The following TRIM2 variants were observed in gnomAD, a reference collection of about 807,000 sequenced individuals.
TRIM2 encodes tripartite motif containing 2, also known as tripartite motif-containing protein 2.
In TRIM2, 20 loss-of-function variants were observed where a neutral mutation model predicts 75.2. That is an observed-to-expected ratio of 0.27 (90% confidence interval 0.19 to 0.39). The LOEUF (loss-of-function observed/expected upper bound fraction) is 0.39, where lower values mean the gene tolerates loss of function less well. Ranked by LOEUF, TRIM2 falls within the 10% of genes least tolerant of loss-of-function variation. The pLI is 1.00. For synonymous variants in TRIM2, 373 were observed against 388.3 expected (o/e 0.96, Z 0.46); for missense variants, 660 against 990.8 (o/e 0.67, Z 4.48).
At chr4:153,157,797 A>G (rs1729375818) in intron 1 of TRIM2, among the ~76,000 whole-genome samples, 1 of 152,238 alleles carries the variant, frequency 6.6e-6, no homozygotes, top group African/African-American at 2.4e-5. Context: ...AGCAGCCTCA[A>G]AGCTGTGCCC....
At chr4:153,297,568 CCTTTT>C (rs1763021794) in intron 6 of TRIM2, among the ~76,000 whole-genome samples, 4 of 152,180 alleles carry the variant, frequency 2.6e-5, no homozygotes, top group Admixed American at 6.5e-5. Flanking sequence ...ATCCCTACTA[CCTTTT>C]CTTTTCAAAA....
rs73857427 is a variant in TRIM2 at position 153,209,054 on chromosome 4, C to T, written c.30+4494C>T. ...CACCAGGCCCATTTTATGAAAAACC[C>T]TGGGAAAACTGAGGTCCAGCAGCCA... On this transcript the variant is annotated intron_variant, in intron 1 of 11. Coordinates refer to ENST00000338700, the MANE Select transcript of TRIM2 (RefSeq NM_015271.5). Among the ~76,000 whole-genome samples, 3 of 152,136 alleles carry T rather than the reference C, an allele frequency of 2.0e-5. No homozygotes were observed. The South Asian group carries it at 6.2e-4, about 32-fold the overall frequency.
chr4:153,327,141 G>C (rs1770418408), intron 10 of TRIM2, among the ~76,000 whole-genome samples: 1 of 151,978 alleles, frequency 6.6e-6, no homozygotes, highest in Admixed American at 6.6e-5. Context: ...AAAAGAGTCA[G>C]AAAAAAAATT....
At chr4:153,312,214 T>G (rs934839661) in intron 6 of TRIM2, among the ~76,000 whole-genome samples, 2 of 151,874 alleles carry the variant, frequency 1.3e-5, no homozygotes, top group Non-Finnish European at 2.9e-5. Flanking sequence ...GATTTCCAAT[T>G]TTATCCATGT....
chr4:153,330,791 AGCAAGGATGTCT>A (rs1579807722), intron 11 of TRIM2, among the ~76,000 whole-genome samples: 3 of 152,332 alleles, frequency 2.0e-5, no homozygotes, highest in South Asian at 2.1e-4. Context: ...TTCCCTATAG[AGCAAGGATGTCT>A]GCAAGGATGT....
intron 3 of TRIM2, among the ~76,000 whole-genome samples, chr4:153,286,064 C>T (rs531711984): frequency 2.6e-5 from 4 of 152,268 alleles, no homozygotes; most frequent in Admixed American, 1.3e-4. Context: ...TTGTTAAATG[C>T]TTTTCCCACA....
At chr4:153,250,108 CT>C (rs796197632) in intron 1 of TRIM2, among the ~76,000 whole-genome samples, 60 of 146,902 alleles carry the variant, frequency 4.1e-4, no homozygotes, top group Admixed American at 1.2e-3. Context: ...TTTTGCTTGT[CT>C]TTTTTTTTTT....
intron 2 of TRIM2, among the ~76,000 whole-genome samples, chr4:153,273,270 C>CTTTTTTTTTTTTTTTTTT (rs72414117): frequency 0.011 from 636 of 57,372 alleles, 94 homozygotes; most frequent in Non-Finnish European, 0.015. Context: ...TACAGTCACT[C>CTTTTTTTTTTTTTTTTTT]TTTTTTTTTT....
upstream of TRIM2, among the ~76,000 whole-genome samples, chr4:153,200,490 A>G (rs1734220921): frequency 6.6e-6 from 1 of 152,118 alleles, no homozygotes. Context: ...TGCTGCTATG[A>G]ATATGGGATG....
At chr4:153,212,778 TG>T (rs1409260256) in intron 1 of TRIM2, among the ~76,000 whole-genome samples, 3 of 152,234 alleles carry the variant, frequency 2.0e-5, no homozygotes, top group African/African-American at 7.2e-5. Context: ...TGGTTTTGTT[TG>T]GGGGCCTGTC....
intron 3 of TRIM2, among the ~76,000 whole-genome samples, chr4:153,279,885 A>G (rs1899043): frequency 0.99 from 149,963 of 151,248 alleles, 74,350 homozygotes; most frequent in East Asian, 1. Context: ...AGAGATTGCA[A>G]TGAGCCAAGA....
chr4:153,175,011 TGTTTTG>T (rs1367389486), intron 1 of TRIM2, among the ~76,000 whole-genome samples: 4 of 102,906 alleles, frequency 3.9e-5, no homozygotes, highest in African/African-American at 3.6e-5. Flanking sequence ...GTTTTTGTTT[TGTTTTG>T]TTTTTTTTTG....
intron 3 of TRIM2, 31 bp from the exon 4 acceptor site, chr4:153,292,951 G>GAACC: frequency 2.5e-6 from 4 of 1,570,926 alleles, no homozygotes; most frequent in Non-Finnish European, 3.5e-6. Flanking sequence ...CCATGGCCCA[G>GAACC]AACCAGGAAC....
chr4:153,208,010 C>A (rs146300875), intron 1 of TRIM2, among the ~76,000 whole-genome samples: 111 of 152,314 alleles, frequency 7.3e-4, no homozygotes, highest in African/African-American at 2.5e-3. Flanking sequence ...GAAAAGTTCA[C>A]TTCTGGCCAG....
Position 153,304,161 on chromosome 4 carries a change from C to T in TRIM2, c.1510+8125C>T, listed in dbSNP as rs116545347. 6.2e-3 allele frequency among the ~76,000 whole-genome samples: 939 copies of T among 152,032 alleles called. 4 individuals carry two copies. Among genetic ancestry groups the T allele is most frequent in the Middle Eastern group, 0.014 (4 of 294 alleles). On this transcript the variant is annotated intron_variant, in intron 6 of 11. Coordinates refer to ENST00000338700, the MANE Select transcript of TRIM2 (RefSeq NM_015271.5). ...CAGTGTCTTGCTCTGTTGCCCAGGCCGAAGTGCAGTGACATGATCTCAGCT... is the reference window on the plus strand; with the variant it reads ...CAGTGTCTTGCTCTGTTGCCCAGGCTGAAGTGCAGTGACATGATCTCAGCT...
At chr4:153,316,815 A>T (rs1362719320) in intron 8 of TRIM2, among the ~76,000 whole-genome samples, 2 of 151,406 alleles carry the variant, frequency 1.3e-5, no homozygotes, top group African/African-American at 4.9e-5. Flanking sequence ...ACATTTGCTC[A>T]TAAAAAAATT....
At chr4:153,311,571 T>C (rs1282222634) in intron 6 of TRIM2, among the ~76,000 whole-genome samples, 3 of 152,074 alleles carry the variant, frequency 2.0e-5, no homozygotes, top group Non-Finnish European at 4.4e-5. Context: ...CCCTTCCTTG[T>C]ATGCCCTCTA....
Position 153,335,427 on chromosome 4 carries a change from C to T in TRIM2, c.*461C>T, listed in dbSNP as rs900001198. The T allele has an allele frequency of 6.1e-6, 6 of 985,432 alleles. No individual in the cohort carries two copies. In the Admixed American group the frequency reaches 2.5e-4, roughly 40 times the overall value. The allele number at this position is 985,432 out of a possible 1,614,324, so 61.0% of individuals were successfully genotyped here. A position where few individuals can be genotyped will look rare whatever the true frequency, so the allele number is the denominator to read the frequency against. Reference sequence around the variant, plus strand: ...AGGGAATCTTCTAACCTCACTTTTACAGTAGGTATTACTCTTGTGACATTT... The same window carrying T: ...AGGGAATCTTCTAACCTCACTTTTATAGTAGGTATTACTCTTGTGACATTT... On this transcript the variant is annotated 3_prime_UTR_variant, in exon 12 of 12. Transcript: ENST00000338700.
intron 11 of TRIM2, 101 bp downstream of exon 11, chr4:153,328,771 G>A (rs1770808153): frequency 1.5e-6 from 2 of 1,351,898 alleles, no homozygotes; most frequent in Admixed American, 2.6e-5. Context: ...TTTTCCATTG[G>A]TTAGGACATA....
Sources: allele counts gnomAD v4.1 joint callset (sites outside exome capture counted in the v4.1 genomes callset), GRCh38; gene constraint gnomAD v4.1.1; transcripts MANE v1.5; gene names NCBI Gene and HGNC (gene_info 2026-07-23, HGNC 2026-07-21).